FCRL1: variants seen among roughly 807,000 people sequenced by gnomAD.
FCRL1 encodes the protein Fc receptor like 1, also known as Fc receptor-like protein 1.
A neutral mutation model predicts 49.2 loss-of-function variants in FCRL1; 34 were observed. That is an observed-to-expected ratio of 0.69 (90% CI 0.53 to 0.92). The LOEUF (loss-of-function observed/expected upper bound fraction) is 0.92. Ranked by LOEUF, FCRL1 falls within the 40% of genes least tolerant of loss-of-function variation. The probability of loss-of-function intolerance (pLI) is 0.00; values close to 1 mark genes in which losing one functional copy is unlikely to be tolerated. For synonymous variants in FCRL1, 218 were observed against 201.6 expected, an observed-to-expected ratio of 1.08 and a Z score of -0.69; for missense variants, 524 against 524.1, an observed-to-expected ratio of 1.00 and a Z score of 0.00.
chr1:157,817,585 T>C (rs956718232), intron 1 of FCRL1, among the ~76,000 whole-genome samples: 1 of 151,928 alleles, frequency 6.6e-6, no homozygotes, highest in Non-Finnish European at 1.5e-5. Context: ...GGAGAAAACA[T>C]TGGGGAAAGC....
chr1:157,809,114 G>T (rs1653918057), intron 1 of FCRL1, among the ~76,000 whole-genome samples: 1 of 152,184 alleles, frequency 6.6e-6, no homozygotes, highest in Non-Finnish European at 1.5e-5. Flanking sequence ...TACATAAGAG[G>T]TATTTAAAAG....
At chr1:157,801,132 T>A (rs941257406) in intron 6 of FCRL1, among the ~76,000 whole-genome samples, 3 of 152,154 alleles carry the variant, frequency 2.0e-5, no homozygotes, top group African/African-American at 7.2e-5. Flanking sequence ...CCTTGTGATC[T>A]GCCCACCTCA....
intron 10 of FCRL1, among the ~76,000 whole-genome samples, 163 bp downstream of exon 10, chr1:157,796,938 T>C (rs1178221772): frequency 6.6e-6 from 1 of 152,240 alleles, no homozygotes; most frequent in East Asian, 1.9e-4. Context: ...AATGACCCCT[T>C]ATTGTTGTAA....
chr1:157,812,320 C>G (rs547251978), intron 1 of FCRL1, among the ~76,000 whole-genome samples: 1 of 152,138 alleles, frequency 6.6e-6, no homozygotes, highest in Non-Finnish European at 1.5e-5. Context: ...AGAGCCAAAG[C>G]CACAACTGCA....
chr1:157,802,386 T>C lies in FCRL1; in HGVS notation c.598A>G (p.Thr200Ala). The change falls in exon 4 of 11, where the codon ACT becomes GCT. Residue 200 changes from threonine (T) to alanine (A), a missense_variant. By Grantham distance (58) the Thr-to-Ala change is moderately conservative. Transcript: ENST00000368176. ...GPSPSGLVSITVRIPVSRPIL... is the reference protein window; with the variant it reads ...GPSPSGLVSIAVRIPVSRPIL... ...GGGTAGTGGAACTTACTTCTGACAG[T>C]GATGCTCACCAGCCCACTGGGGCTG... is the stretch of plus-strand genomic sequence containing the variant. The C allele has an allele frequency of 1.9e-6, 3 of 1,614,060 alleles. No homozygotes were observed. The highest frequency in any genetic ancestry group is 2.5e-6 in the Non-Finnish European group (3 of 1,179,940).
intron 1 of FCRL1, among the ~76,000 whole-genome samples, chr1:157,811,110 A>G (rs907868631): frequency 2.0e-5 from 3 of 152,100 alleles, no homozygotes; most frequent in East Asian, 3.9e-4. Flanking sequence ...GAAACAGAAA[A>G]CTTGTGTAGT....
At chr1:157,807,913 CAG>C (rs914749866) in intron 1 of FCRL1, among the ~76,000 whole-genome samples, 1 of 152,026 alleles carries the variant, frequency 6.6e-6, no homozygotes, top group Non-Finnish European at 1.5e-5. Flanking sequence ...ACCTACCTCA[CAG>C]AGTTTTTGTG....
chr1:157,812,149 C>T (rs1470918300), intron 1 of FCRL1, among the ~76,000 whole-genome samples: 1 of 152,194 alleles, frequency 6.6e-6, no homozygotes, highest in African/African-American at 2.4e-5. Flanking sequence ...ACAGCACCTG[C>T]CAATCTGTAT....
intron 3 of FCRL1, among the ~76,000 whole-genome samples, chr1:157,803,532 C>G (rs1173982047): frequency 1.3e-5 from 2 of 152,146 alleles, no homozygotes; most frequent in African/African-American, 4.8e-5. Flanking sequence ...ATATTTAACC[C>G]TAGTTATTCA....
At position 157,800,085 on chromosome 1, in the gene FCRL1, C is replaced by T. The variant is rs754736511; in HGVS notation, c.1004G>A (p.Gly335Glu). 1.5e-5 allele frequency: 24 copies of T among 1,613,216 alleles called. No individual in the cohort carries two copies. The Admixed American group carries it at 3.8e-4, about 26-fold the overall frequency. The change falls in exon 7 of 11, where the codon GGA becomes GAA. Residue 335 changes from glycine to glutamate, a missense_variant and splice_region_variant. Gly to Glu is a moderately conservative substitution (Grantham distance 98, BLOSUM62 -2). Coordinates refer to ENST00000368176, the MANE Select transcript of FCRL1 (RefSeq NM_052938.5). The stretch of plus-strand genomic sequence containing the variant: ...GAGTGGATCCCTGGCTGAACGTCTT[C>T]CTGAAAGAAAAACAAATGAGCATAC... ...LFCYGLKRKIGRRSARDPLRS... is the reference protein window; with the variant it reads ...LFCYGLKRKIERRSARDPLRS...
intron 1 of FCRL1, among the ~76,000 whole-genome samples, chr1:157,809,007 C>T (rs1653901482): frequency 1.3e-5 from 2 of 152,050 alleles, no homozygotes; most frequent in African/African-American, 4.8e-5. Flanking sequence ...GGTGGAAGAT[C>T]AAGAGATCTG....
intron 2 of FCRL1, among the ~76,000 whole-genome samples, chr1:157,805,826 G>A (rs547314127): frequency 1.8e-4 from 27 of 152,308 alleles, no homozygotes; most frequent in Middle Eastern, 3.4e-3. Flanking sequence ...AACCCAGGAG[G>A]CAGAGGTAGC....
In FCRL1 at chr1:157,795,824, C is replaced by A; in HGVS notation, c.*275G>T. 3.0e-6 allele frequency: 1 copy of A among 333,724 alleles called. No individual in the cohort carries two copies. The highest frequency in any genetic ancestry group is 5.6e-6 in the Non-Finnish European group (1 of 178,904). The allele number at this position is 333,724 out of a possible 1,614,324, so 20.7% of individuals were successfully genotyped here. On this transcript the variant is annotated 3_prime_UTR_variant, in exon 11 of 11. Coordinates refer to ENST00000368176, the MANE Select transcript of FCRL1 (RefSeq NM_052938.5). ...ATTCCATCTTGTTTCCTCTTGTAAACAGAAGAGCACAATATGACCTGTTTT... is the reference window on the plus strand; with the variant it reads ...ATTCCATCTTGTTTCCTCTTGTAAAAAGAAGAGCACAATATGACCTGTTTT...
chr1:157,810,587 G>A (rs1350708435), intron 1 of FCRL1, among the ~76,000 whole-genome samples: 1 of 151,992 alleles, frequency 6.6e-6, no homozygotes, highest in African/African-American at 2.4e-5. Context: ...GTGAGCCACT[G>A]CACCCAGCCG....
At chr1:157,808,468 G>C (rs2101876163) in intron 1 of FCRL1, among the ~76,000 whole-genome samples, 1 of 152,306 alleles carries the variant, frequency 6.6e-6, no homozygotes, top group South Asian at 2.1e-4. Context: ...CAAGTATCCT[G>C]AGGAGGAAAT....
chr1:157,814,782 G>T (rs973421759), intron 1 of FCRL1, among the ~76,000 whole-genome samples: 21 of 151,822 alleles, frequency 1.4e-4, no homozygotes, highest in Admixed American at 1.4e-3. Context: ...GAAATACCAT[G>T]AAAATGGAGA....
chr1:157,795,845 G>A lies in FCRL1; in HGVS notation c.*254C>T. The A allele has an allele frequency of 4.8e-6, 2 of 419,666 alleles. No homozygotes were observed. The highest frequency in any genetic ancestry group is 1.3e-3 in the Middle Eastern group (2 of 1,500). The allele number at this position is 419,666 out of a possible 1,614,324, so 26.0% of individuals were successfully genotyped here. A position where few individuals can be genotyped will look rare whatever the true frequency, so the allele number is the denominator to read the frequency against. ...TAAACAGAAGAGCACAATATGACCT[G>A]TTTTCAAAGGAGCCGGCAGGAATCT... On this transcript the variant is annotated 3_prime_UTR_variant, in exon 11 of 11. Transcript: ENST00000368176.
intron 2 of FCRL1, among the ~76,000 whole-genome samples, chr1:157,806,334 C>T (rs1464349088): frequency 6.6e-6 from 1 of 152,102 alleles, no homozygotes; most frequent in Non-Finnish European, 1.5e-5. Flanking sequence ...CACTTGCAGC[C>T]GATGTTCTTG....
chr1:157,806,722 A>G (rs1273004583), intron 2 of FCRL1: 1 of 176,434 alleles, frequency 5.7e-6, no homozygotes, highest in African/African-American at 2.6e-5. Context: ...TGAGAAGCAC[A>G]ACTGGGAATT....
Sources: allele counts gnomAD v4.1 joint callset (sites outside exome capture counted in the v4.1 genomes callset), GRCh38; gene constraint gnomAD v4.1.1; transcripts MANE v1.5; gene names NCBI Gene and HGNC (gene_info 2026-07-23, HGNC 2026-07-21).